The following MAGI1 variants were observed in gnomAD, a reference collection of about 807,000 sequenced individuals.
MAGI1 encodes the protein membrane associated guanylate kinase, WW and PDZ domain containing 1, also known as membrane-associated guanylate kinase, WW and PDZ domain-containing protein 1.
MAGI1 carries 58 observed loss-of-function variants against 139.9 expected under a neutral mutation model. The observed-to-expected ratio is 0.41, with a 90% CI of 0.34 to 0.52. The LOEUF is 0.52. Ranked by LOEUF, MAGI1 falls within the 20% of genes least tolerant of loss-of-function variation. The pLI is 0.12. For missense variants in MAGI1, 1,874 were observed against 1,901.6 expected (o/e 0.99, Z 0.27); for synonymous variants, 812 against 737.9 (o/e 1.10, Z -1.63).
chr3:66,011,877 T>C (rs2067338549), intron 1 of MAGI1, among the ~76,000 whole-genome samples: 1 of 150,754 alleles, frequency 6.6e-6, no homozygotes, highest in Admixed American at 6.6e-5. Flanking sequence ...TAGTGAAGTA[T>C]GGCCAGGTAA....
chr3:65,991,108 G>T (rs979746666), intron 1 of MAGI1, among the ~76,000 whole-genome samples: 1 of 151,926 alleles, frequency 6.6e-6, no homozygotes, highest in Non-Finnish European at 1.5e-5. Context: ...GGCCAACAGC[G>T]TGAAACTCCA....
At chr3:65,753,411 T>A (rs1250946164) in intron 1 of MAGI1, among the ~76,000 whole-genome samples, 1 of 152,122 alleles carries the variant, frequency 6.6e-6, no homozygotes, top group Non-Finnish European at 1.5e-5. Context: ...GGTTATTATC[T>A]CCATTTTATT....
chr3:65,682,254 G>A (rs1181801541), intron 1 of MAGI1, among the ~76,000 whole-genome samples: 1 of 152,096 alleles, frequency 6.6e-6, no homozygotes, highest in African/African-American at 2.4e-5. Context: ...CCCAGCCCTT[G>A]ACTAGCAAAA....
intron 1 of MAGI1, among the ~76,000 whole-genome samples, chr3:65,681,409 C>T (rs1268620269): frequency 6.6e-6 from 1 of 152,054 alleles, no homozygotes; most frequent in Non-Finnish European, 1.5e-5. Context: ...TTATTTTATC[C>T]TATCATTATT....
At chr3:65,524,246 A>T (rs1364074691) in intron 2 of MAGI1, among the ~76,000 whole-genome samples, 1 of 152,208 alleles carries the variant, frequency 6.6e-6, no homozygotes, top group Non-Finnish European at 1.5e-5. Flanking sequence ...AGTGGAAAAT[A>T]TCTGATGCAT....
chr3:65,415,514 T>C (rs927403642), intron 12 of MAGI1, among the ~76,000 whole-genome samples: 2 of 152,164 alleles, frequency 1.3e-5, no homozygotes, highest in African/African-American at 4.8e-5. Flanking sequence ...CACTGCTGGG[T>C]GACAGCAGAG....
intron 1 of MAGI1, among the ~76,000 whole-genome samples, chr3:65,637,755 T>A (rs1229449348): frequency 6.6e-6 from 1 of 152,184 alleles, no homozygotes. Context: ...GGAACACAGG[T>A]ACGAAAGGCT....
intron 1 of MAGI1, among the ~76,000 whole-genome samples, chr3:65,869,003 C>T (rs1025998271): frequency 2.0e-5 from 3 of 152,016 alleles, no homozygotes. Context: ...CGCGGTGGCT[C>T]ACGCTTGTAA....
At chr3:66,022,283 T>G (rs1410100504) in intron 1 of MAGI1, among the ~76,000 whole-genome samples, 1 of 152,200 alleles carries the variant, frequency 6.6e-6, no homozygotes, top group Non-Finnish European at 1.5e-5. Context: ...GCCAGGGCCT[T>G]TCTTCCCTAT....
At chr3:65,668,466 A>G (rs1164843960) in intron 1 of MAGI1, among the ~76,000 whole-genome samples, 1 of 152,176 alleles carries the variant, frequency 6.6e-6, no homozygotes, top group South Asian at 2.1e-4. Flanking sequence ...ATTAAAAGAT[A>G]AAAATTAAAA....
chr3:65,749,932 C>T (rs1334737710), intron 1 of MAGI1, among the ~76,000 whole-genome samples: 1 of 152,094 alleles, frequency 6.6e-6, no homozygotes, highest in Non-Finnish European at 1.5e-5. Context: ...CCACCTACTC[C>T]ATAATGCAGG....
At chr3:65,653,915 G>A (rs755854790) in intron 1 of MAGI1, among the ~76,000 whole-genome samples, 13 of 152,098 alleles carry the variant, frequency 8.5e-5, no homozygotes, top group Admixed American at 1.3e-4. Context: ...ACACATAGGC[G>A]TTATATTTCC....
At chr3:65,412,036 A>G (rs1945837058) in intron 12 of MAGI1, among the ~76,000 whole-genome samples, 2 of 152,180 alleles carry the variant, frequency 1.3e-5, no homozygotes, top group South Asian at 4.1e-4. Context: ...ATCAGATTGT[A>G]CTGTCTCCTG....
At chr3:65,423,286 TGATCA>T (rs1357973681) in intron 12 of MAGI1, among the ~76,000 whole-genome samples, 1 of 152,170 alleles carries the variant, frequency 6.6e-6, no homozygotes, top group Non-Finnish European at 1.5e-5. Flanking sequence ...GAGAAGTGCC[TGATCA>T]CTTGGGTTTA....
intron 1 of MAGI1, among the ~76,000 whole-genome samples, chr3:65,632,726 A>G (rs1188258880): frequency 2.6e-5 from 4 of 152,218 alleles, no homozygotes; most frequent in African/African-American, 9.6e-5. Context: ...CAAGATGTAC[A>G]TGAAGTTGTT....
chr3:65,900,196 G>A (rs2061163044), intron 1 of MAGI1, among the ~76,000 whole-genome samples: 2 of 152,044 alleles, frequency 1.3e-5, no homozygotes, highest in Admixed American at 1.3e-4. Flanking sequence ...AAGGACACAC[G>A]CAACATCGTG....
At chr3:65,556,288 C>T (rs1576309304) in intron 2 of MAGI1, among the ~76,000 whole-genome samples, 1 of 152,172 alleles carries the variant, frequency 6.6e-6, no homozygotes, top group Admixed American at 6.5e-5. Flanking sequence ...AAATTAAAAA[C>T]CAAATTTGTC....
Position 65,430,059 on chromosome 3 carries a change from G to A in MAGI1, c.1628C>T (p.Pro543Leu). The stretch of plus-strand genomic sequence containing the variant: ...TTCAAGGTCCACGCTGGCACCAATG[G>A]GGATGGACTGGAAGATCTTCACAAC... ...AQVVKIFQSI[P>L]IGASVDLELC... The change falls in exon 12 of 23, where the codon CCC (proline) becomes CTC (leucine). Residue 543 changes from proline (P) to leucine (L), a missense_variant. Around this residue, in one of 5 missense-constraint regions of MAGI1, gnomAD observed 86 missense variants for 130.0 expected, o/e 0.66. Transcript: ENST00000402939. 1 of 1,613,810 alleles carries A rather than the reference G, an allele frequency of 6.2e-7. No homozygotes were observed. The highest frequency in any genetic ancestry group is 8.5e-7 in the Non-Finnish European group (1 of 1,179,888).
At chr3:65,810,239 G>C (rs2041139746) in intron 1 of MAGI1, among the ~76,000 whole-genome samples, 1 of 152,248 alleles carries the variant, frequency 6.6e-6, no homozygotes, top group Non-Finnish European at 1.5e-5. Flanking sequence ...GCAAGCCCAA[G>C]AGGACCCTTC....
Sources: gnomAD v4.1 joint callset for allele counts (sites outside exome capture counted in the v4.1 genomes callset) on GRCh38, gnomAD v4.1.1 for gene constraint, gnomAD v4.1.1 regional missense constraint, MANE v1.5 for transcripts, NCBI Gene and HGNC (gene_info 2026-07-23, HGNC 2026-07-21) for gene names.